SCNN1B: variants seen among roughly 807,000 people sequenced by gnomAD.
SCNN1B encodes epithelial sodium channel subunit beta.
A neutral mutation model predicts 65.3 loss-of-function variants in SCNN1B; 46 were observed. That is an observed-to-expected ratio of 0.70 (90% CI 0.56 to 0.90). The LOEUF is 0.90. Ranked by LOEUF, SCNN1B falls within the 40% of genes least tolerant of loss-of-function variation. The pLI is 0.00. For synonymous variants in SCNN1B, 349 were observed against 330.6 expected (o/e 1.06, Z -0.60); for missense variants, 751 against 830.5 (o/e 0.90, Z 1.18).
intron 1 of SCNN1B, among the ~76,000 whole-genome samples, chr16:23,339,863 G>A (rs537947664): frequency 6.6e-6 from 1 of 152,058 alleles, no homozygotes; most frequent in Non-Finnish European, 1.5e-5. Flanking sequence ...CACCGCGCCT[G>A]GCAACTTTAC....
In SCNN1B at chr16:23,377,370, C is replaced by G; in HGVS notation, c.1388C>G (p.Pro463Arg). ...ATGACCATCTCCATGGCTGACTGGC[C>G]TTCTGAGGCCTCCGAGGTGAGACAG... ...YKMTISMADW[P>R]SEASEDWIFH... Residue 463 changes from proline (P) to arginine (R), a missense_variant, in exon 10 of 13, where the codon CCT (proline) becomes CGT (arginine). Physicochemically the swap from Pro to Arg is moderately radical, Grantham distance 103. Coordinates refer to ENST00000343070, the MANE Select transcript of SCNN1B (RefSeq NM_000336.3). 1 of 1,614,204 alleles carries G rather than the reference C, an allele frequency of 6.2e-7. No individual in the cohort carries two copies.
chr16:23,280,174 C>T lies in SCNN1B; in HGVS notation n.110+1834C>T, dbSNP rs1269192165. Among the ~76,000 whole-genome samples, 4 of 151,982 alleles carry T rather than the reference C, an allele frequency of 2.6e-5. 1 individual carries two copies. Among genetic ancestry groups the T allele is most frequent in the South Asian group, 4.2e-4 (2 of 4,770 alleles). On this transcript the variant is annotated intron_variant and non_coding_transcript_variant, in intron 1 of 3. Coordinates refer to the SCNN1B transcript ENST00000569789. ...GCTTTGCGTTCATCCTCTTGTTTCG[C>T]TCTTACATGAAGCTTGAGAGGGAAG...
upstream of SCNN1B, among the ~76,000 whole-genome samples, chr16:23,299,604 T>C (rs555032325): frequency 5.9e-5 from 9 of 152,342 alleles, no homozygotes; most frequent in African/African-American, 2.2e-4. Context: ...AGGTCATCAC[T>C]GGTCATTACA....
At chr16:23,292,643 A>G (rs910111950) in intron 2 of SCNN1B, among the ~76,000 whole-genome samples, 6 of 151,950 alleles carry the variant, frequency 3.9e-5, no homozygotes, top group Admixed American at 3.3e-4. Flanking sequence ...AGCTGGGACT[A>G]CAGGCACACT....
At position 23,372,028 on chromosome 16, in the gene SCNN1B, GGACCA is replaced by G. The variant is rs1307065232; in HGVS notation, c.1152+147_1152+151del. On this transcript the variant is annotated intron_variant, in intron 7 of 12. Coordinates refer to ENST00000343070, the MANE Select transcript of SCNN1B (RefSeq NM_000336.3). ...TGCCACGGGGCACCCCGGGCCTGTG[GGACCA>G]GTCACTTTCCTGGGCTCTCTCACCA... 3 of 709,710 alleles carry G rather than the reference GGACCA, an allele frequency of 4.2e-6. No homozygotes were observed. In the Admixed American group the frequency reaches 6.0e-5, roughly 14 times the overall value. 44.0% of individuals were successfully genotyped at this position (709,710 alleles called of 1,614,324 possible). A position where few individuals can be genotyped will look rare whatever the true frequency, so the allele number is the denominator to read the frequency against.
In SCNN1B at chr16:23,291,742, A is replaced by AT. The variant is rs10707900; in HGVS notation, n.178+7956dup. ...GGCACGCACCACCACCACGCAGCTA[A>AT]TTTTTTTTTTTTTTTTTTAGTAGAG... On this transcript the variant is annotated intron_variant and non_coding_transcript_variant, in intron 2 of 3. Transcript: ENST00000569789. Among the ~76,000 whole-genome samples, 1,091 of 131,496 alleles carry AT rather than the reference A, an allele frequency of 8.3e-3. 7 individuals are homozygous for AT. Among genetic ancestry groups the AT allele is most frequent in the East Asian group, 0.024 (111 of 4,564 alleles). 86.3% of individuals were successfully genotyped at this position (131,496 alleles called of 152,430 possible).
Position 23,375,863 on chromosome 16 carries a change from G to T in SCNN1B, c.1270+8G>T. On this transcript the variant is annotated splice_region_variant and intron_variant, in intron 8 of 12. Transcript: ENST00000343070. ...GGGACTTCCCAGACTGGGGTGAGCG[G>T]GGGCACGGGGGATCGGCACTCCAGC... 2.6e-6 allele frequency: 4 copies of T among 1,567,838 alleles called. No homozygotes were observed. Among genetic ancestry groups the T allele is most frequent in the South Asian group, 2.2e-5 (2 of 90,172 alleles).
chr16:23,316,635 C>T (rs1340898588), intron 1 of SCNN1B, among the ~76,000 whole-genome samples: 8 of 151,066 alleles, frequency 5.3e-5, no homozygotes, highest in African/African-American at 1.9e-4. Flanking sequence ...ATCACCCTCA[C>T]CATCTCCTCT....
chr16:23,333,542 A>G (rs1028925500), intron 1 of SCNN1B, among the ~76,000 whole-genome samples: 4 of 152,258 alleles, frequency 2.6e-5, no homozygotes, highest in Admixed American at 6.5e-5. Flanking sequence ...ATTTTTAAAA[A>G]TAACAATAGC....
chr16:23,297,005 AAAG>A (rs1450076377), intron 2 of SCNN1B, among the ~76,000 whole-genome samples: 1 of 148,968 alleles, frequency 6.7e-6, no homozygotes, highest in Non-Finnish European at 1.5e-5. Context: ...AAAAAAAAAA[AAAG>A]AGAGAGAGAG....
chr16:23,355,550 C>T lies in SCNN1B; in HGVS notation c.776+61C>T, dbSNP rs1029587231. ...GGCACCGAGAGACAGTGGCATGTTA[C>T]GGTTGGGAGCACAGCCTGCCAGGGT... On this transcript the variant is annotated intron_variant, in intron 4 of 12. Transcript: ENST00000343070. 3.9e-5 allele frequency: 60 copies of T among 1,547,452 alleles called. No homozygotes were observed. The Middle Eastern group carries it at 5.5e-4, about 14-fold the overall frequency.
At chr16:23,326,060 G>A (rs1161488277) in intron 1 of SCNN1B, among the ~76,000 whole-genome samples, 1 of 152,014 alleles carries the variant, frequency 6.6e-6, no homozygotes, top group East Asian at 1.9e-4. Flanking sequence ...GGGCAACAGA[G>A]CAAGACCTTG....
intron 1 of SCNN1B, among the ~76,000 whole-genome samples, chr16:23,304,296 C>T (rs1188208865): frequency 6.6e-6 from 1 of 151,730 alleles, no homozygotes; most frequent in Non-Finnish European, 1.5e-5. Flanking sequence ...TGCATGTTCA[C>T]ACACAAGCAC....
chr16:23,335,894 G>A (rs527936221), intron 1 of SCNN1B, among the ~76,000 whole-genome samples: 1 of 152,268 alleles, frequency 6.6e-6, no homozygotes, highest in East Asian at 1.9e-4. Context: ...TGTGGAGGAA[G>A]CCACTTTCCC....
At chr16:23,365,405 AAG>A (rs553716314) in intron 4 of SCNN1B, among the ~76,000 whole-genome samples, 11 of 150,792 alleles carry the variant, frequency 7.3e-5, no homozygotes, top group African/African-American at 1.5e-4. Context: ...AAGGAAAGAA[AAG>A]AGAGAAAGAA....
intron 1 of SCNN1B, among the ~76,000 whole-genome samples, chr16:23,331,542 A>C (rs1961812603): frequency 6.6e-6 from 1 of 151,574 alleles, no homozygotes; most frequent in African/African-American, 2.4e-5. Context: ...CTGGTCTCGA[A>C]CTCTTGACCT....
At chr16:23,294,976 G>A (rs1011482160) in intron 2 of SCNN1B, among the ~76,000 whole-genome samples, 39 of 151,426 alleles carry the variant, frequency 2.6e-4, no homozygotes, top group African/African-American at 8.8e-4. Flanking sequence ...CTGGGTGACA[G>A]AGCAAGACTG....
chr16:23,357,712 C>T (rs769437797), intron 4 of SCNN1B, among the ~76,000 whole-genome samples: 9 of 152,168 alleles, frequency 5.9e-5, no homozygotes, highest in Non-Finnish European at 1.3e-4. Flanking sequence ...AAAGGTGGTT[C>T]CCATAGGTGG....
chr16:23,295,249 C>T (rs1405961948), intron 2 of SCNN1B, among the ~76,000 whole-genome samples: 1 of 152,036 alleles, frequency 6.6e-6, no homozygotes, highest in African/African-American at 2.4e-5. Context: ...GACCAGGTCT[C>T]ACTCTGTTAC....
Sources: allele counts gnomAD v4.1 joint callset (sites outside exome capture counted in the v4.1 genomes callset), GRCh38; gene constraint gnomAD v4.1.1; transcripts MANE v1.5; gene names NCBI Gene and HGNC (gene_info 2026-07-23, HGNC 2026-07-21).